Variants in RORB observed in about 807,000 individuals in gnomAD.
The protein encoded by RORB is nuclear receptor ROR-beta.
In RORB, 6 loss-of-function variants were observed where a neutral mutation model predicts 59.1. The observed-to-expected ratio is 0.10, with a 90% CI of 0.06 to 0.20. The LOEUF (loss-of-function observed/expected upper bound fraction) is 0.20, where lower values mean the gene tolerates loss of function less well. Among genes scored for constraint, RORB ranks in the 10% least tolerant of loss-of-function variants. The probability of loss-of-function intolerance (pLI) is 1.00; values close to 1 mark genes in which losing one functional copy is unlikely to be tolerated. For missense variants in RORB, 320 were observed against 560.5 expected, an observed-to-expected ratio of 0.57 and a Z score of 4.33; for synonymous variants, 215 against 204.5, an observed-to-expected ratio of 1.05 and a Z score of -0.44.
chr9:74,506,120 C>T (rs1219367444), intron 1 of RORB, among the ~76,000 whole-genome samples: 1 of 151,362 alleles, frequency 6.6e-6, no homozygotes, highest in Non-Finnish European at 1.5e-5. Flanking sequence ...TTCTTTAATA[C>T]TATTATCTGA....
chr9:74,562,053 G>A (rs184642809), intron 1 of RORB, among the ~76,000 whole-genome samples: 2 of 152,274 alleles, frequency 1.3e-5, no homozygotes, highest in Admixed American at 6.5e-5. Context: ...TATATCAGAG[G>A]ATGGTGCATG....
intron 1 of RORB, among the ~76,000 whole-genome samples, chr9:74,504,151 C>A (rs1460866679): frequency 6.6e-6 from 1 of 151,912 alleles, no homozygotes; most frequent in African/African-American, 2.4e-5. Flanking sequence ...GTAATAAGTG[C>A]AAATTTATTA....
chr9:74,609,444 T>C (rs1823200854), intron 1 of RORB, among the ~76,000 whole-genome samples: 1 of 152,026 alleles, frequency 6.6e-6, no homozygotes, highest in African/African-American at 2.4e-5. Context: ...ACAAAATTTC[T>C]TTTTTTTCTT....
At chr9:74,611,586 C>G (rs1823232555) in intron 1 of RORB, among the ~76,000 whole-genome samples, 1 of 152,166 alleles carries the variant, frequency 6.6e-6, no homozygotes. Context: ...TATGGTCCCC[C>G]AGTGTTGAGT....
chr9:74,520,858 A>G (rs2118068346), intron 1 of RORB, among the ~76,000 whole-genome samples: 1 of 151,760 alleles, frequency 6.6e-6, no homozygotes, highest in East Asian at 1.9e-4. Flanking sequence ...TCTATTTCCT[A>G]TCTATTGCTC....
At chr9:74,572,576 A>G (rs1042772990) in intron 1 of RORB, among the ~76,000 whole-genome samples, 1 of 152,106 alleles carries the variant, frequency 6.6e-6, no homozygotes, top group Non-Finnish European at 1.5e-5. Context: ...CACAGGAGGG[A>G]AAAAGGGTGC....
At chr9:74,600,140 A>G (rs1263094827) in intron 1 of RORB, among the ~76,000 whole-genome samples, 1 of 152,150 alleles carries the variant, frequency 6.6e-6, no homozygotes, top group Non-Finnish European at 1.5e-5. Context: ...AAACTTACCC[A>G]TCCTGTGTCT....
At position 74,686,530 on chromosome 9, in the gene RORB, T is replaced by C. The variant is rs932397425; in HGVS notation, c.*912T>C. 2.6e-5 allele frequency: 4 copies of C among 152,192 alleles called. No homozygotes were observed. The highest frequency in any genetic ancestry group is 5.9e-5 in the Non-Finnish European group (4 of 68,016). The allele number at this position is 152,192 out of a possible 1,614,324, so 9.4% of individuals were successfully genotyped here. A position where few individuals can be genotyped will look rare whatever the true frequency, so the allele number is the denominator to read the frequency against. ...ATTTTCTATTTTTCACCAGAACACA[T>C]AAAAACACTTTTTTTCTTTTGGATT... On this transcript the variant is annotated 3_prime_UTR_variant, in exon 10 of 10. Coordinates refer to ENST00000376896, the MANE Select transcript of RORB (RefSeq NM_006914.4).
At chr9:74,512,308 A>G (rs1825950012) in intron 1 of RORB, among the ~76,000 whole-genome samples, 1 of 152,206 alleles carries the variant, frequency 6.6e-6, no homozygotes, top group Non-Finnish European at 1.5e-5. Context: ...AAGATGAATG[A>G]TGAATTGATT....
Position 74,594,562 on chromosome 9 carries a change from A to T in RORB, c.8-35720A>T, listed in dbSNP as rs537855305. Among the ~76,000 whole-genome samples the T allele has an allele frequency of 4.6e-5, 7 of 152,334 alleles. No individual in the cohort carries two copies. The South Asian group carries it at 1.5e-3, about 32-fold the overall frequency. ...TTATATCATCACATTCATATATATG[A>T]GACAGAGAGAGAAAAAAGCAGAAAG... is the stretch of plus-strand genomic sequence containing the variant. On this transcript the variant is annotated intron_variant, in intron 1 of 9. Transcript: ENST00000376896.
Position 74,639,561 on chromosome 9 carries a change from A to T in RORB, c.236-2853A>T, listed in dbSNP as rs570889757. 3.1e-4 allele frequency among the ~76,000 whole-genome samples: 47 copies of T among 152,214 alleles called. No homozygotes were observed. In the South Asian group the frequency reaches 9.5e-3, roughly 31 times the overall value. On this transcript the variant is annotated intron_variant, in intron 3 of 9. Transcript: ENST00000376896. ...TGTTTTTGTGTTGGAAGAGTTTCTT[A>T]TTCTCAATCTTTAATTCCTATAAAT...
chr9:74,636,017 G>T (rs1823696515), intron 3 of RORB, among the ~76,000 whole-genome samples: 1 of 147,324 alleles, frequency 6.8e-6, no homozygotes, highest in African/African-American at 2.5e-5. Flanking sequence ...AGCTTCCAAA[G>T]CTACAGAGAC....
chr9:74,556,463 A>T (rs2118179079), intron 1 of RORB, among the ~76,000 whole-genome samples: 1 of 152,294 alleles, frequency 6.6e-6, no homozygotes, highest in Non-Finnish European at 1.5e-5. Context: ...GGAGTTATGC[A>T]GCCAAAGAAA....
rs566716336 is a variant in RORB at position 74,662,614 on chromosome 9, A to G, written c.892+8A>G. ...TTCTACTTCTGAAGTCAGGTAAGCA[A>G]GAAGATTCATGGGAGGCCTATTTCA... is the stretch of plus-strand genomic sequence containing the variant. On this transcript the variant is annotated splice_region_variant and intron_variant, in intron 6 of 9. Coordinates refer to ENST00000376896, the MANE Select transcript of RORB (RefSeq NM_006914.4). 1.4e-5 allele frequency: 23 copies of G among 1,612,970 alleles called. No homozygotes were observed. The South Asian group carries it at 2.1e-4, about 15-fold the overall frequency.
At chr9:74,658,328 TC>T (rs890725391) in intron 4 of RORB, among the ~76,000 whole-genome samples, 2 of 152,180 alleles carry the variant, frequency 1.3e-5, no homozygotes, top group African/African-American at 4.8e-5. Flanking sequence ...GGCATGACCA[TC>T]CGGGTTGAGT....
At chr9:74,594,188 T>C (rs1754577843) in intron 1 of RORB, among the ~76,000 whole-genome samples, 1 of 152,164 alleles carries the variant, frequency 6.6e-6, no homozygotes, top group African/African-American at 2.4e-5. Flanking sequence ...TAAGGAACAT[T>C]TACCCTGATG....
chr9:74,672,557 A>G (rs1824365816), intron 9 of RORB, among the ~76,000 whole-genome samples: 1 of 152,226 alleles, frequency 6.6e-6, no homozygotes, highest in South Asian at 2.1e-4. Flanking sequence ...TCCATGCAAC[A>G]TGTCATCAAT....
At chr9:74,598,510 C>A (rs1823007753) in intron 1 of RORB, among the ~76,000 whole-genome samples, 1 of 152,000 alleles carries the variant, frequency 6.6e-6, no homozygotes, top group South Asian at 2.1e-4. Context: ...TATATATTGA[C>A]AAAGTATAGT....
At chr9:74,593,413 C>T (rs1369575000) in intron 1 of RORB, among the ~76,000 whole-genome samples, 3 of 149,766 alleles carry the variant, frequency 2.0e-5, no homozygotes, top group Non-Finnish European at 4.4e-5. Context: ...TTGCAGTAAG[C>T]CGAGATCACA....
Sources: gnomAD v4.1 joint callset for allele counts (sites outside exome capture counted in the v4.1 genomes callset) on GRCh38, gnomAD v4.1.1 for gene constraint, MANE v1.5 for transcripts, NCBI Gene and HGNC (gene_info 2026-07-23, HGNC 2026-07-21) for gene names.